The following DCC variants were observed in gnomAD, a reference collection of about 807,000 sequenced individuals.
The protein encoded by DCC is DCC netrin 1 receptor.
In DCC, 58 loss-of-function variants were observed where a neutral mutation model predicts 172.5. The observed-to-expected ratio is 0.34, with a 90% confidence interval of 0.27 to 0.42. DCC has a LOEUF of 0.42. DCC is among the 10% of genes least tolerant of loss of function. DCC has a pLI of 1.00. For synonymous variants in DCC, 709 were observed against 644.5 expected (o/e 1.10, Z -1.52); for missense variants, 1,740 against 1,791.0 (o/e 0.97, Z 0.51).
Position 53,391,714 on chromosome 18 carries a change from G to T in DCC, c.2515G>T (p.Asp839Tyr). ...LLDDFPTSVP[D>Y]LSTPMLPPVG... is the part of the protein sequence containing the mutation. ...TGATGATTTCCCCACCTCGGTCCCA[G>T]ATCTCTCCACCCCCATGCTCCCACC... Residue 839 changes from aspartate to tyrosine, a missense_variant, in exon 17 of 29, where the codon GAT becomes TAT. Coordinates refer to ENST00000442544, the MANE Select transcript of DCC (RefSeq NM_005215.4). The T allele has an allele frequency of 6.2e-7, 1 of 1,614,132 alleles. No homozygotes were observed. The highest frequency in any genetic ancestry group is 8.5e-7 in the Non-Finnish European group (1 of 1,180,016).
intron 2 of DCC, among the ~76,000 whole-genome samples, chr18:52,829,307 G>A (rs1367845): frequency 0.98 from 149,382 of 152,310 alleles, 73,316 homozygotes; most frequent in Middle Eastern, 1. Context: ...ACTTACAGTA[G>A]GATCCGTATG....
intron 5 of DCC, among the ~76,000 whole-genome samples, chr18:52,956,033 T>C (rs1460862295): frequency 2.0e-5 from 3 of 151,988 alleles, no homozygotes; most frequent in Non-Finnish European, 4.4e-5. Flanking sequence ...TATTCTCTAA[T>C]CTTGTCTTTC....
chr18:52,504,172 T>C (rs1214636073), intron 1 of DCC, among the ~76,000 whole-genome samples: 1 of 152,052 alleles, frequency 6.6e-6, no homozygotes, highest in East Asian at 1.9e-4. Flanking sequence ...GATTGCTGGG[T>C]AGCCTGGATC....
chr18:53,335,093 C>T (rs2057576796), intron 14 of DCC, among the ~76,000 whole-genome samples: 1 of 152,082 alleles, frequency 6.6e-6, no homozygotes, highest in African/African-American at 2.4e-5. Flanking sequence ...TCTCTCTTAC[C>T]CTTGATGTTC....
At position 52,340,704 on chromosome 18, in the gene DCC, G is replaced by A; in HGVS notation, c.-84G>A. On this transcript the variant is annotated 5_prime_UTR_variant, in exon 1 of 29. Coordinates refer to ENST00000442544, the MANE Select transcript of DCC (RefSeq NM_005215.4). ...CCGAAGGGGCTCGGCGCGTGTGTGT[G>A]CATGTGTGCATGCGTGTGTGAGTGC... 1.1e-6 allele frequency: 1 copy of A among 940,698 alleles called. No individual in the cohort carries two copies. The highest frequency in any genetic ancestry group is 1.3e-5 in the South Asian group (1 of 77,662). The allele number at this position is 940,698 out of a possible 1,614,324, so 58.3% of individuals were successfully genotyped here. A position where few individuals can be genotyped will look rare whatever the true frequency, so the allele number is the denominator to read the frequency against.
intron 2 of DCC, among the ~76,000 whole-genome samples, chr18:52,820,881 C>CT (rs760746042): frequency 3.7e-4 from 56 of 152,152 alleles, no homozygotes; most frequent in Non-Finnish European, 6.9e-4. Flanking sequence ...CTTCCAAAAT[C>CT]TTTTTGTTAG....
At chr18:52,907,235 A>ATCATATATACAT (rs1491120117) in intron 3 of DCC, among the ~76,000 whole-genome samples, 28 of 39,728 alleles carry the variant, frequency 7.0e-4, no homozygotes, top group Non-Finnish European at 2.8e-4. Context: ...TATACTTGAT[A>ATCATATATACAT]GATATCATAT....
chr18:52,778,918 G>A (rs992981642), intron 2 of DCC, among the ~76,000 whole-genome samples: 22 of 152,234 alleles, frequency 1.4e-4, no homozygotes, highest in Non-Finnish European at 2.2e-4. Flanking sequence ...TCAACTGATA[G>A]GATCATACTT....
intron 25 of DCC, among the ~76,000 whole-genome samples, chr18:53,477,961 T>C (rs2045786034): frequency 6.6e-6 from 1 of 152,222 alleles, no homozygotes; most frequent in African/African-American, 2.4e-5. Context: ...TTATTTTAAA[T>C]GCTGTTTCTT....
intron 7 of DCC, among the ~76,000 whole-genome samples, chr18:53,120,565 A>T (rs534983549): frequency 6.6e-6 from 1 of 151,784 alleles, no homozygotes; most frequent in South Asian, 2.1e-4. Context: ...GTTTGAATTT[A>T]CAAAAAAATC....
chr18:52,406,204 A>C (rs901691306), intron 1 of DCC, among the ~76,000 whole-genome samples: 21 of 151,320 alleles, frequency 1.4e-4, no homozygotes, highest in Middle Eastern at 3.2e-3. Flanking sequence ...TGTTAGACCT[A>C]AAACCATAAA....
intron 15 of DCC, among the ~76,000 whole-genome samples, chr18:53,356,947 T>G (rs1479413299): frequency 6.6e-6 from 1 of 152,198 alleles, no homozygotes; most frequent in Non-Finnish European, 1.5e-5. Flanking sequence ...AGTGCTCACT[T>G]TATTTTTCTT....
intron 8 of DCC, among the ~76,000 whole-genome samples, chr18:53,172,115 A>G (rs1282563780): frequency 6.6e-6 from 1 of 152,168 alleles, no homozygotes; most frequent in African/African-American, 2.4e-5. Context: ...TATGGTGCAT[A>G]TACACCATGG....
rs1301563414 is a variant in DCC, at chr18:52,494,408, T to C, written c.91+153530T>C. Reference sequence around the variant, plus strand: ...GTTTGGAAAGTCCTCAGCCATTATGTCTTCAAAGATTGCTTTTGCCTCATT... The same window carrying C: ...GTTTGGAAAGTCCTCAGCCATTATGCCTTCAAAGATTGCTTTTGCCTCATT... On this transcript the variant is annotated intron_variant, in intron 1 of 28. Transcript: ENST00000442544. 3.3e-5 allele frequency among the ~76,000 whole-genome samples: 5 copies of C among 152,074 alleles called. No homozygotes were observed. The East Asian group carries it at 9.7e-4, about 29-fold the overall frequency.
At chr18:52,592,879 A>T (rs1344371712) in intron 1 of DCC, among the ~76,000 whole-genome samples, 1 of 152,128 alleles carries the variant, frequency 6.6e-6, no homozygotes, top group African/African-American at 2.4e-5. Context: ...TCCTGGCTTC[A>T]AGTGATCCTC....
chr18:52,522,777 T>C (rs913473812), intron 1 of DCC, among the ~76,000 whole-genome samples: 2 of 152,172 alleles, frequency 1.3e-5, no homozygotes, highest in African/African-American at 4.8e-5. Context: ...AGGATCAGTC[T>C]TCTGGAGGTT....
rs557527394 is a variant in DCC, at chr18:52,710,575, T to C, written c.92-41479T>C. 5.3e-5 allele frequency among the ~76,000 whole-genome samples: 8 copies of C among 152,310 alleles called. No individual in the cohort carries two copies. In the South Asian group the frequency reaches 1.4e-3, roughly 28 times the overall value. On this transcript the variant is annotated intron_variant, in intron 1 of 28. Transcript: ENST00000442544. Reference sequence around the variant, plus strand: ...AAAACATGAGGGGAAGACACCAAAATGTTCATTATAGTCCTTCTGGTTGAT... The same window carrying C: ...AAAACATGAGGGGAAGACACCAAAACGTTCATTATAGTCCTTCTGGTTGAT...
At chr18:53,286,460 CT>C (rs2056936983) in intron 12 of DCC, among the ~76,000 whole-genome samples, 1 of 152,140 alleles carries the variant, frequency 6.6e-6, no homozygotes, top group African/African-American at 2.4e-5. Context: ...ATTGTGAGGC[CT>C]TCTAGTGACT....
intron 15 of DCC, among the ~76,000 whole-genome samples, chr18:53,349,987 ATCAT>A (rs2144896512): frequency 6.6e-6 from 1 of 152,324 alleles, no homozygotes; most frequent in Non-Finnish European, 1.5e-5. Flanking sequence ...CAGTTAAATA[ATCAT>A]TTTATAAAGT....
Sources: allele counts gnomAD v4.1 joint callset (sites outside exome capture counted in the v4.1 genomes callset), GRCh38; gene constraint gnomAD v4.1.1; transcripts MANE v1.5; gene names NCBI Gene and HGNC (gene_info 2026-07-23, HGNC 2026-07-21).